The following CSGALNACT1 variants were observed in gnomAD, a reference collection of about 807,000 sequenced individuals.
The protein encoded by CSGALNACT1 is chondroitin sulfate N-acetylgalactosaminyltransferase 1, also known as beta4GalNAcT-1.
CSGALNACT1 carries 52 observed loss-of-function variants against 51.0 expected under a neutral mutation model. The ratio of observed to expected loss-of-function variants is 1.02; its 90% CI spans 0.82 to 1.29. CSGALNACT1 has a LOEUF of 1.29. Among genes scored for constraint, CSGALNACT1 ranks in the 50% most tolerant of loss-of-function variants. The probability of loss-of-function intolerance (pLI) is 0.00; values close to 1 mark genes in which losing one functional copy is unlikely to be tolerated. For missense variants in CSGALNACT1, 935 were observed against 679.2 expected (o/e 1.38, Z -4.19); for synonymous variants, 341 against 254.4 (o/e 1.34, Z -3.24).
At chr8:19,501,357 C>A (rs139079503) in intron 4 of CSGALNACT1, among the ~76,000 whole-genome samples, 1 of 152,216 alleles carries the variant, frequency 6.6e-6, no homozygotes, top group African/African-American at 2.4e-5. Context: ...GCCCTCATGG[C>A]CTAATAATCA....
chr8:19,484,995 C>A (rs79337470), intron 4 of CSGALNACT1, among the ~76,000 whole-genome samples: 22,826 of 152,056 alleles, frequency 0.15, 1,834 homozygotes, highest in Middle Eastern at 0.22. Flanking sequence ...GACCTGCTGG[C>A]ACTTTCACCT....
chr8:19,743,032 A>G (rs1301913167), intron 1 of CSGALNACT1, among the ~76,000 whole-genome samples: 1 of 152,192 alleles, frequency 6.6e-6, no homozygotes, highest in African/African-American at 2.4e-5. Context: ...TCAGAGCCAG[A>G]TCTCATTTTG....
At position 19,458,559 on chromosome 8, in the gene CSGALNACT1, T is replaced by C. The variant is rs151311119; in HGVS notation, c.718A>G (p.Ile240Val). The change falls in exon 5 of 10, where the codon ATC becomes GTC. Residue 240 changes from isoleucine (I) to valine (V), a missense_variant. Ile to Val is a conservative substitution (Grantham distance 29). Coordinates refer to ENST00000454498, the Ensembl canonical transcript of CSGALNACT1. The stretch of plus-strand genomic sequence containing the variant: ...ATGGGGCCGAATGGTCGAAATAAGA[T>C]GAGCCGTTTGAATTCGTGTTTGTGG... 9.2e-4 allele frequency: 1,491 copies of C among 1,613,680 alleles called. 5 individuals are homozygous for C. The Middle Eastern group carries it at 0.016, about 17-fold the overall frequency.
intron 1 of CSGALNACT1, among the ~76,000 whole-genome samples, chr8:19,715,133 A>G (rs2062731717): frequency 6.6e-6 from 1 of 152,210 alleles, no homozygotes; most frequent in South Asian, 2.1e-4. Flanking sequence ...CAGCAAAAGT[A>G]AATGAGGAAG....
intron 3 of CSGALNACT1, among the ~76,000 whole-genome samples, chr8:19,532,180 A>AC (rs567564964): frequency 4.2e-4 from 64 of 151,766 alleles, no homozygotes; most frequent in African/African-American, 1.4e-3. Flanking sequence ...TTAAAAAAAA[A>AC]AAACATGTTT....
chr8:19,665,807 TA>T (rs2059133777), intron 1 of CSGALNACT1, among the ~76,000 whole-genome samples: 1 of 152,204 alleles, frequency 6.6e-6, no homozygotes, highest in Non-Finnish European at 1.5e-5. Flanking sequence ...AATGAATAAC[TA>T]AAAATGTGTT....
intron 1 of CSGALNACT1, among the ~76,000 whole-genome samples, chr8:19,660,665 C>G (rs916620202): frequency 2.6e-5 from 4 of 152,156 alleles, no homozygotes; most frequent in Non-Finnish European, 2.9e-5. Context: ...ACACTCCCCT[C>G]TTACTCACAA....
intron 6 of CSGALNACT1, among the ~76,000 whole-genome samples, chr8:19,435,447 T>G (rs1585933386): frequency 6.6e-6 from 1 of 150,742 alleles, no homozygotes; most frequent in Admixed American, 6.6e-5. Flanking sequence ...GAGCCGAGAC[T>G]GTGCCACTGC....
chr8:19,554,374 G>A (rs938688102), intron 3 of CSGALNACT1, among the ~76,000 whole-genome samples: 3 of 152,244 alleles, frequency 2.0e-5, no homozygotes, highest in Admixed American at 6.5e-5. Context: ...CATAACAGAG[G>A]CAGACGGTGA....
intron 5 of CSGALNACT1, among the ~76,000 whole-genome samples, chr8:19,440,884 A>G (rs2061224397): frequency 6.6e-6 from 1 of 152,198 alleles, no homozygotes; most frequent in Non-Finnish European, 1.5e-5. Flanking sequence ...AGGATATAAA[A>G]TCAATGTACA....
chr8:19,539,739 G>C (rs1038790487), intron 3 of CSGALNACT1, among the ~76,000 whole-genome samples: 1 of 152,176 alleles, frequency 6.6e-6, no homozygotes, highest in African/African-American at 2.4e-5. Flanking sequence ...GGAAACAAGT[G>C]ACACTAAAAA....
At chr8:19,475,678 T>C (rs1289556717) in intron 4 of CSGALNACT1, among the ~76,000 whole-genome samples, 2 of 152,174 alleles carry the variant, frequency 1.3e-5, no homozygotes, top group Non-Finnish European at 2.9e-5. Context: ...ACAACTTAAA[T>C]ACTGAAGATG....
At chr8:19,489,548 C>T (rs4339658) in intron 4 of CSGALNACT1, among the ~76,000 whole-genome samples, 93,136 of 151,918 alleles carry the variant, frequency 0.61, 28,773 homozygotes, top group East Asian at 0.84. Flanking sequence ...ATTTAATCAA[C>T]GTTTATGTAC....
chr8:19,732,613 AG>A (rs1448587410), intron 1 of CSGALNACT1: 1 of 152,232 alleles, frequency 6.6e-6, no homozygotes, highest in African/African-American at 2.4e-5. Context: ...AAAAATAAAC[AG>A]GAAAACAGCA....
chr8:19,561,927 G>C (rs916452931), intron 3 of CSGALNACT1, among the ~76,000 whole-genome samples: 2 of 151,880 alleles, frequency 1.3e-5, no homozygotes, highest in African/African-American at 4.8e-5. Context: ...TTCAGCATGC[G>C]GCCTGATCAT....
chr8:19,720,613 A>C (rs2063067583), intron 1 of CSGALNACT1, among the ~76,000 whole-genome samples: 1 of 152,166 alleles, frequency 6.6e-6, no homozygotes, highest in Admixed American at 6.5e-5. Context: ...GACAGGGCTA[A>C]GGAGTGTGGC....
chr8:19,494,433 CTTG>C (rs1220483428), intron 4 of CSGALNACT1, among the ~76,000 whole-genome samples: 1 of 152,204 alleles, frequency 6.6e-6, no homozygotes, highest in East Asian at 1.9e-4. Context: ...GTTCTGTACA[CTTG>C]TTTAATACAT....
rs532815151 is a variant in CSGALNACT1, at chr8:19,428,373, G to A, written c.954-7855C>T. ...GAAGAGGAGCAAAGTCACATCTTAC[G>A]TGGCGGCAGGTGAGGGAGAATGAGA... On this transcript the variant is annotated intron_variant, in intron 6 of 9. Coordinates refer to ENST00000454498, the Ensembl canonical transcript of CSGALNACT1. 4.6e-5 allele frequency among the ~76,000 whole-genome samples: 7 copies of A among 152,224 alleles called. 1 individual carries two copies. The South Asian group carries it at 8.3e-4, about 18-fold the overall frequency.
chr8:19,510,227 G>T (rs2078208107), intron 3 of CSGALNACT1, among the ~76,000 whole-genome samples: 1 of 152,090 alleles, frequency 6.6e-6, no homozygotes, highest in South Asian at 2.1e-4. Context: ...TTAGAATGAA[G>T]GAGATATCCA....
Sources: allele counts gnomAD v4.1 joint callset (sites outside exome capture counted in the v4.1 genomes callset), GRCh38; gene constraint gnomAD v4.1.1; transcripts MANE v1.5; gene names NCBI Gene and HGNC (gene_info 2026-07-23, HGNC 2026-07-21).